PCNX1: variants seen among roughly 807,000 people sequenced by gnomAD.
PCNX1 encodes the protein pecanex-like protein 1.
PCNX1 carries 78 observed loss-of-function variants against 242.2 expected under a neutral mutation model. The ratio of observed to expected loss-of-function variants is 0.32; its 90% CI spans 0.27 to 0.39. The LOEUF is 0.39. Ranked by LOEUF, PCNX1 falls within the 10% of genes least tolerant of loss-of-function variation. The pLI, the probability that PCNX1 is intolerant of heterozygous loss-of-function variation, is 1.00. For missense variants in PCNX1, 2,581 were observed against 2,856.5 expected (o/e 0.90, Z 2.20); for synonymous variants, 1,024 against 1,032.9 (o/e 0.99, Z 0.17).
intron 6 of PCNX1, among the ~76,000 whole-genome samples, chr14:70,987,997 T>C (rs2059049366): frequency 6.6e-6 from 1 of 152,234 alleles, no homozygotes; most frequent in African/African-American, 2.4e-5. Context: ...ATTCATGCTA[T>C]GTTGAATTAA....
intron 16 of PCNX1, among the ~76,000 whole-genome samples, chr14:71,032,941 T>C (rs1448179140): frequency 6.6e-6 from 1 of 152,208 alleles, no homozygotes; most frequent in Non-Finnish European, 1.5e-5. Context: ...GTGGAGGACA[T>C]AGTAGTTTAT....
intron 1 of PCNX1, among the ~76,000 whole-genome samples, chr14:70,910,041 C>A (rs1594861649): frequency 1.4e-5 from 1 of 71,396 alleles, no homozygotes; most frequent in East Asian, 4.2e-4. Flanking sequence ...CCCTCCTCCT[C>A]CTCCTCCTCC....
In PCNX1 at chr14:71,009,650, G is replaced by T; in HGVS notation, c.2646G>T (p.Thr882=). ...LHDELGKFSS[T]LYETGGCDMS... is the part of the protein sequence containing the mutation. The stretch of plus-strand genomic sequence containing the variant: ...ATTTGCTAGGTAAGTTCTCTTCTAC[G>T]CTGTATGAGACTGGTGGCTGTGATA... The change falls in exon 9 of 36, where the codon ACG becomes ACT. Residue 882 remains threonine (T), a synonymous_variant. Coordinates refer to ENST00000304743, the MANE Select transcript of PCNX1 (RefSeq NM_014982.3). 1 of 1,588,272 alleles carries T rather than the reference G, an allele frequency of 6.3e-7. No individual in the cohort carries two copies. Among genetic ancestry groups the T allele is most frequent in the Non-Finnish European group, 8.6e-7 (1 of 1,161,892 alleles).
At chr14:70,984,747 G>T (rs1456876653) in intron 6 of PCNX1, among the ~76,000 whole-genome samples, 1 of 151,926 alleles carries the variant, frequency 6.6e-6, no homozygotes. Context: ...TCCAATTTTT[G>T]AGATAGAATT....
intron 1 of PCNX1, among the ~76,000 whole-genome samples, chr14:70,912,005 G>A (rs189066732): frequency 4.6e-5 from 7 of 152,270 alleles, no homozygotes; most frequent in African/African-American, 1.7e-4. Flanking sequence ...GGCCGAGGCA[G>A]GCAGATCATC....
rs1450595770 is a variant in PCNX1, at chr14:71,033,433, C to A, written c.3563C>A (p.Ser1188Tyr). ...GTTAAATTCATTTTTCCGCAGGATT[C>A]TTGGGATGGCCAGCATATTCCAGTA... ...YGLCYGALKD[S>Y]WDGQHIPVLF... The change falls in exon 17 of 36, where the codon TCT becomes TAT. Residue 1188 changes from serine (S) to tyrosine (Y), a missense_variant. Around this residue, in one of 9 missense-constraint regions of PCNX1, gnomAD observed 432 missense variants for 443.1 expected, o/e 0.97. Transcript: ENST00000304743. The A allele has an allele frequency of 1.3e-6, 2 of 1,555,630 alleles. No individual in the cohort carries two copies. The highest frequency in any genetic ancestry group is 1.8e-6 in the Non-Finnish European group (2 of 1,129,048).
chr14:71,047,699 A>C, intron 21 of PCNX1, 108 bp from the exon 22 acceptor site: 1 of 847,048 alleles, frequency 1.2e-6, no homozygotes, highest in Admixed American at 2.6e-5. Flanking sequence ...CTTACATTTA[A>C]TGTATATATT....
chr14:71,019,998 G>T (rs2060058120), intron 12 of PCNX1, among the ~76,000 whole-genome samples: 1 of 147,570 alleles, frequency 6.8e-6, no homozygotes, highest in South Asian at 2.2e-4. Context: ...TGTTCTCATT[G>T]TTCAACTCCC....
chr14:71,108,967 C>A lies in PCNX1; in HGVS notation c.6665C>A (p.Thr2222Asn), dbSNP rs564770004. ...LATEGGQSSA[T>N]DAQPGNTLSP... ...ACAGAGGGAGGTCAGAGCAGTGCCACTGATGCACAGCCAGGCAACACCTTA... is the reference window on the plus strand; with the variant it reads ...ACAGAGGGAGGTCAGAGCAGTGCCAATGATGCACAGCCAGGCAACACCTTA... Residue 2222 changes from threonine (T) to asparagine (N), a missense_variant, in exon 34 of 36, where the codon ACT becomes AAT. Transcript: ENST00000304743. The A allele has an allele frequency of 1.9e-6, 3 of 1,614,130 alleles. No individual in the cohort carries two copies. Among genetic ancestry groups the A allele is most frequent in the Admixed American group, 3.3e-5 (2 of 60,016 alleles).
chr14:70,958,463 C>T (rs2058073917), intron 2 of PCNX1, among the ~76,000 whole-genome samples: 1 of 152,176 alleles, frequency 6.6e-6, no homozygotes, highest in African/African-American at 2.4e-5. Context: ...ATTTACTACT[C>T]ACATTACTGA....
intron 1 of PCNX1, among the ~76,000 whole-genome samples, chr14:70,935,500 G>T (rs1291432893): frequency 1.3e-5 from 2 of 152,314 alleles, no homozygotes; most frequent in African/African-American, 4.8e-5. Context: ...GTTTATTTAG[G>T]TGTGTTTTAA....
intron 2 of PCNX1, among the ~76,000 whole-genome samples, chr14:70,955,971 T>G (rs1047257345): frequency 3.3e-5 from 5 of 152,154 alleles, no homozygotes; most frequent in Non-Finnish European, 7.4e-5. Flanking sequence ...TAGTTCTAAA[T>G]CATTATTTCT....
rs11628648 is a variant in PCNX1 at position 71,115,266 on chromosome 14, T to C, written c.*5331T>C. 893 of 152,752 alleles carry C rather than the reference T, an allele frequency of 5.8e-3. 7 individuals are homozygous for C. Among genetic ancestry groups the C allele is most frequent in the Non-Finnish European group, 0.01 (684 of 68,024 alleles). 9.5% of individuals were successfully genotyped at this position (152,752 alleles called of 1,614,324 possible). A position where few individuals can be genotyped will look rare whatever the true frequency, so the allele number is the denominator to read the frequency against. ...TGTTATTCTGAACAGCTTGTAAATA[T>C]TGTAGTTGTTTAAAATGGAAAATAA... On this transcript the variant is annotated 3_prime_UTR_variant, in exon 36 of 36. Transcript: ENST00000304743.
At chr14:71,005,756 G>C (rs1188901402) in intron 8 of PCNX1, among the ~76,000 whole-genome samples, 2 of 152,104 alleles carry the variant, frequency 1.3e-5, no homozygotes, top group Non-Finnish European at 2.9e-5. Flanking sequence ...TGAGTATCCA[G>C]TTTTACTCAT....
At chr14:70,980,861 A>G (rs1254191660) in intron 6 of PCNX1, among the ~76,000 whole-genome samples, 1 of 152,138 alleles carries the variant, frequency 6.6e-6, no homozygotes, top group Non-Finnish European at 1.5e-5. Flanking sequence ...TCATATACCT[A>G]TGCATAAACC....
At chr14:71,101,431 A>G (rs910184227) in intron 30 of PCNX1, among the ~76,000 whole-genome samples, 2 of 152,208 alleles carry the variant, frequency 1.3e-5, no homozygotes, top group African/African-American at 4.8e-5. Context: ...ATTAAGACCA[A>G]GATACTTTTC....
Position 70,985,805 on chromosome 14 carries a change from C to T in PCNX1, c.2312-2762C>T, listed in dbSNP as rs536318760. ...ATTGAATTAATTTCATTCTTCTTTG[C>T]CAGAGATACTGGGTTTTAAGCAGTG... On this transcript the variant is annotated intron_variant, in intron 6 of 35. Transcript: ENST00000304743. Among the ~76,000 whole-genome samples, 91 of 152,218 alleles carry T rather than the reference C, an allele frequency of 6.0e-4. No homozygotes were observed. In the South Asian group the frequency reaches 0.015, roughly 25 times the overall value.
At chr14:71,045,041 T>G in intron 19 of PCNX1, 92 bp from the exon 20 acceptor site, 1 of 836,364 alleles carries the variant, frequency 1.2e-6, no homozygotes, top group Non-Finnish European at 1.9e-6. Flanking sequence ...ACGTTGTCCA[T>G]TATCAGATGG....
intron 19 of PCNX1, among the ~76,000 whole-genome samples, chr14:71,040,848 C>T (rs1379068424): frequency 9.2e-5 from 14 of 152,076 alleles, no homozygotes; most frequent in South Asian, 4.2e-4. Context: ...CCTTCCCGGT[C>T]GCTGATAACC....
Sources: gnomAD v4.1 joint callset for allele counts (sites outside exome capture counted in the v4.1 genomes callset) on GRCh38, gnomAD v4.1.1 for gene constraint, gnomAD v4.1.1 regional missense constraint, MANE v1.5 for transcripts, NCBI Gene and HGNC (gene_info 2026-07-23, HGNC 2026-07-21) for gene names.